Variants in OSBPL11 observed in about 807,000 individuals in gnomAD.
OSBPL11 encodes oxysterol binding protein like 11.
Under a neutral mutation model 84.4 loss-of-function variants are expected in OSBPL11, and 33 were observed. The observed-to-expected ratio is 0.39, with a 90% CI of 0.30 to 0.52. OSBPL11 has a LOEUF of 0.52. Ranked by LOEUF, OSBPL11 falls within the 20% of genes least tolerant of loss-of-function variation. The pLI is 0.72. For synonymous variants in OSBPL11, 276 were observed against 310.2 expected, an observed-to-expected ratio of 0.89 and a Z score of 1.16; for missense variants, 736 against 901.1, an observed-to-expected ratio of 0.82 and a Z score of 2.35.
chr3:125,581,695 C>CAAAAAAA (rs1189619626), intron 2 of OSBPL11, among the ~76,000 whole-genome samples: 1 of 63,824 alleles, frequency 1.6e-5, no homozygotes, highest in African/African-American at 5.4e-5. Context: ...GACTCCATCT[C>CAAAAAAA]AAAAAAAAAA....
At position 125,576,689 on chromosome 3, in the gene OSBPL11, T is replaced by TC. The variant is rs1320545407; in HGVS notation, c.490-325_490-324insG. 3.9e-5 allele frequency among the ~76,000 whole-genome samples: 6 copies of TC among 152,114 alleles called. No homozygotes were observed. In the East Asian group the frequency reaches 1.2e-3, roughly 29 times the overall value. ...TTTTTTAAACACCATGAATTTTTTT[T>TC]TTTTTTCTTTTTGAGACTGAGTCTC... On this transcript the variant is annotated intron_variant, in intron 4 of 12. Coordinates refer to ENST00000296220, the MANE Select transcript of OSBPL11 (RefSeq NM_022776.5).
intron 10 of OSBPL11, among the ~76,000 whole-genome samples, chr3:125,546,827 C>T (rs745334544): frequency 8.6e-5 from 13 of 151,534 alleles, no homozygotes; most frequent in Non-Finnish European, 1.6e-4. Flanking sequence ...GAGGCGGCTG[C>T]AAGGAGCCAA....
At chr3:125,578,909 AAT>A in intron 4 of OSBPL11, 49 bp downstream of exon 4, 2 of 1,212,286 alleles carry the variant, frequency 1.6e-6, no homozygotes, top group South Asian at 3.2e-5. Context: ...AAAAATAAAA[AAT>A]ATTCCTTCCT....
chr3:125,554,867 T>C (rs938600288), intron 8 of OSBPL11, among the ~76,000 whole-genome samples: 1 of 151,974 alleles, frequency 6.6e-6, no homozygotes, highest in Non-Finnish European at 1.5e-5. Flanking sequence ...GGAAGTTCAA[T>C]GGCCATATAA....
In OSBPL11 at chr3:125,567,423, G is replaced by A. The variant is rs1016852084; in HGVS notation, c.839C>T (p.Ala280Val). ...DCFHILQLQH[A>V]SHQKGSLPSG... ...AGGCAATGAGCCCTTCTGATGTGAT[G>A]CATGCTGTAACTGGAGAATATGAAA... Residue 280 changes from alanine (A) to valine (V), a missense_variant, in exon 6 of 13, where the codon GCA becomes GTA. Coordinates refer to ENST00000296220, the MANE Select transcript of OSBPL11 (RefSeq NM_022776.5). The A allele has an allele frequency of 1.2e-6, 2 of 1,613,958 alleles. No individual in the cohort carries two copies. Among genetic ancestry groups the A allele is most frequent in the Admixed American group, 1.7e-5 (1 of 59,988 alleles).
At chr3:125,574,980 T>G (rs2333268) in intron 5 of OSBPL11, among the ~76,000 whole-genome samples, 124 of 152,234 alleles carry the variant, frequency 8.1e-4, no homozygotes, top group Non-Finnish European at 1.1e-3. Context: ...TAAGAAACTA[T>G]CAGTTGTCAA....
chr3:125,585,778 T>G (rs1238188795), intron 1 of OSBPL11, among the ~76,000 whole-genome samples: 2 of 152,224 alleles, frequency 1.3e-5, no homozygotes, highest in Admixed American at 6.5e-5. Context: ...ATAGCCACTA[T>G]CGAAGGCAAC....
At chr3:125,531,712 G>GACT in intron 12 of OSBPL11, 149 bp downstream of exon 12, 1 of 647,304 alleles carries the variant, frequency 1.5e-6, no homozygotes, top group Non-Finnish European at 2.4e-6. Context: ...GGTTACCCAG[G>GACT]CTGGTCTCAA....
intron 7 of OSBPL11, among the ~76,000 whole-genome samples, chr3:125,563,070 C>A (rs1417419103): frequency 1.3e-5 from 2 of 151,208 alleles, no homozygotes; most frequent in Admixed American, 6.6e-5. Flanking sequence ...CAGACCAGTA[C>A]AACATAGGAA....
chr3:125,553,738 T>C (rs1432830621), intron 8 of OSBPL11, among the ~76,000 whole-genome samples: 1 of 152,222 alleles, frequency 6.6e-6, no homozygotes, highest in Non-Finnish European at 1.5e-5. Context: ...TTTCATTTAA[T>C]TGACTATTAT....
intron 7 of OSBPL11, among the ~76,000 whole-genome samples, chr3:125,562,514 G>A (rs1936093322): frequency 6.6e-6 from 1 of 152,068 alleles, no homozygotes; most frequent in Non-Finnish European, 1.5e-5. Context: ...GGAAGTCCCT[G>A]TGCCATATAT....
At chr3:125,558,518 G>A (rs1261684912) in intron 8 of OSBPL11, among the ~76,000 whole-genome samples, 2 of 152,106 alleles carry the variant, frequency 1.3e-5, no homozygotes, top group Non-Finnish European at 2.9e-5. Flanking sequence ...CAGATGAACA[G>A]TTCGTTGGAA....
chr3:125,537,674 A>AT (rs1000710796), intron 11 of OSBPL11, among the ~76,000 whole-genome samples: 140 of 151,898 alleles, frequency 9.2e-4, no homozygotes, highest in African/African-American at 3.0e-3. Context: ...TTCCCTGTAT[A>AT]TTTTTTTTCT....
At chr3:125,538,184 T>A (rs1302336365) in intron 11 of OSBPL11, among the ~76,000 whole-genome samples, 3 of 152,244 alleles carry the variant, frequency 2.0e-5, no homozygotes, top group African/African-American at 4.8e-5. Context: ...ATAAAGTTTT[T>A]ATGATACACA....
intron 1 of OSBPL11, among the ~76,000 whole-genome samples, chr3:125,586,057 G>A (rs1488485441): frequency 1.3e-5 from 2 of 151,960 alleles, no homozygotes; most frequent in Non-Finnish European, 2.9e-5. Context: ...GGCAACATAG[G>A]GAGACCCACC....
Position 125,535,361 on chromosome 3 carries a change from G to A in OSBPL11, c.2024+3090C>T, listed in dbSNP as rs1240417183. 3.5e-5 allele frequency among the ~76,000 whole-genome samples: 5 copies of A among 144,124 alleles called. No individual in the cohort carries two copies. The East Asian group carries it at 1.0e-3, about 30-fold the overall frequency. The allele number at this position is 144,124 out of a possible 152,430, so 94.6% of individuals were successfully genotyped here. On this transcript the variant is annotated intron_variant, in intron 11 of 12. Coordinates refer to ENST00000296220, the MANE Select transcript of OSBPL11 (RefSeq NM_022776.5). ...ATTCAAAACCTTCCCCTAAAGAAAA[G>A]AACAGAGCAATATCCCTCATGTATA...
chr3:125,531,293 C>CTT (rs774229724), intron 12 of OSBPL11, among the ~76,000 whole-genome samples: 18 of 131,462 alleles, frequency 1.4e-4, no homozygotes, highest in Non-Finnish European at 2.1e-4. Context: ...GCTCATTTTT[C>CTT]TTTTTTTTTT....
chr3:125,581,488 G>T (rs927121493), intron 2 of OSBPL11, among the ~76,000 whole-genome samples: 52 of 151,586 alleles, frequency 3.4e-4, no homozygotes, highest in African/African-American at 1.3e-3. Flanking sequence ...CTGAGCTTAG[G>T]AGTTTGAGAC....
chr3:125,541,437 G>A (rs922790044), intron 10 of OSBPL11, among the ~76,000 whole-genome samples: 2 of 152,244 alleles, frequency 1.3e-5, no homozygotes, highest in African/African-American at 4.8e-5. Flanking sequence ...TGTGTGCATG[G>A]AGGGGGAGTT....
Sources: gnomAD v4.1 joint callset for allele counts (sites outside exome capture counted in the v4.1 genomes callset) on GRCh38, gnomAD v4.1.1 for gene constraint, MANE v1.5 for transcripts, NCBI Gene and HGNC (gene_info 2026-07-23, HGNC 2026-07-21) for gene names.